CHRNA5: variants seen among roughly 807,000 people sequenced by gnomAD.
The protein encoded by CHRNA5 is cholinergic receptor nicotinic alpha 5 subunit.
A neutral mutation model predicts 41.2 loss-of-function variants in CHRNA5; 28 were observed. The ratio of observed to expected loss-of-function variants is 0.68; its 90% CI spans 0.50 to 0.93. CHRNA5 has a LOEUF of 0.93. CHRNA5 is among the 40% of genes least tolerant of loss of function. The pLI is 0.00. For missense variants in CHRNA5, 481 were observed against 581.9 expected (o/e 0.83, Z 1.78); for synonymous variants, 188 against 205.8 (o/e 0.91, Z 0.74).
At chr15:78,586,803 C>T (rs1042227487) in intron 3 of CHRNA5, 114 bp downstream of exon 3, 13 of 783,088 alleles carry the variant, frequency 1.7e-5, no homozygotes, top group East Asian at 7.5e-5. Flanking sequence ...CAAATGAATA[C>T]GTGACTATAT....
At chr15:78,585,791 C>CTTCTTT (rs1555415936) in intron 2 of CHRNA5, among the ~76,000 whole-genome samples, 3 of 130,612 alleles carry the variant, frequency 2.3e-5, no homozygotes, top group Non-Finnish European at 3.1e-5. Flanking sequence ...TCTTTTCTTT[C>CTTCTTT]TTTTTTTTTT....
chr15:78,595,064 C>T (rs961653251), exon 6 of CHRNA5: 2 of 152,852 alleles, frequency 1.3e-5, no homozygotes, highest in African/African-American at 4.8e-5. Context: ...TAAGTTCAAG[C>T]CAATGCTCTT....
intron 3 of CHRNA5, among the ~76,000 whole-genome samples, chr15:78,587,626 TCTGA>T (rs1219720286): frequency 6.6e-6 from 1 of 151,964 alleles, no homozygotes; most frequent in African/African-American, 2.4e-5. Flanking sequence ...CTGCAAGGAT[TCTGA>T]CTCTCTAAGG....
chr15:78,580,051 G>A (rs1041696060), intron 1 of CHRNA5, among the ~76,000 whole-genome samples: 1 of 151,928 alleles, frequency 6.6e-6, no homozygotes, highest in Non-Finnish European at 1.5e-5. Context: ...AGGCTGAGGC[G>A]GGCAGATTGC....
chr15:78,591,943 TAATA>T (rs1230624828), intron 5 of CHRNA5, among the ~76,000 whole-genome samples: 1 of 152,198 alleles, frequency 6.6e-6, no homozygotes, highest in Non-Finnish European at 1.5e-5. Flanking sequence ...AGATGGAATT[TAATA>T]AATGTCTGCA....
At chr15:78,583,415 C>T (rs150551247) in intron 2 of CHRNA5, among the ~76,000 whole-genome samples, 71 of 152,260 alleles carry the variant, frequency 4.7e-4, no homozygotes, top group African/African-American at 1.6e-3. Context: ...TACTGTCGGC[C>T]GGGCACAGTG....
chr15:78,590,084 C>T (rs72648878), exon 5 of CHRNA5: 28 of 1,614,160 alleles, frequency 1.7e-5, no homozygotes, highest in East Asian at 2.2e-5. Flanking sequence ...GAAACAGAAC[C>T]GACAGCTGTT....
chr15:78,573,963 A>ATTTTTTT (rs979485573), intron 1 of CHRNA5, among the ~76,000 whole-genome samples: 22 of 102,072 alleles, frequency 2.2e-4, no homozygotes, highest in African/African-American at 2.5e-4. Context: ...CGCCTGGCTA[A>ATTTTTTT]TTTTTTTTTT....
chr15:78,586,544 T>C, intron 2 of CHRNA5, 101 bp from the exon 3 acceptor site: 2 of 689,558 alleles, frequency 2.9e-6, no homozygotes, highest in Middle Eastern at 4.2e-4. Context: ...GTGGGTACTA[T>C]GTGAAGAAGA....
exon 5 of CHRNA5, chr15:78,590,209 ATCTTCC>A (rs766987181): frequency 4.6e-5 from 75 of 1,613,960 alleles, no homozygotes; most frequent in Non-Finnish European, 6.0e-5. Flanking sequence ...CTTGTCTTCT[ATCTTCC>A]TTCAAATGAA....
chr15:78,579,191 C>A (rs1322580140), intron 1 of CHRNA5, among the ~76,000 whole-genome samples: 4 of 152,004 alleles, frequency 2.6e-5, no homozygotes, highest in African/African-American at 9.7e-5. Context: ...ATTATTTAGC[C>A]AACCATGTTC....
chr15:78,594,610 G>GGAGGCTGCAGTGAGCC (rs1193859376), exon 6 of CHRNA5: 1 of 152,302 alleles, frequency 6.6e-6, no homozygotes, highest in Admixed American at 6.5e-5. Context: ...CCTGGGAGGT[G>GGAGGCTGCAGTGAGCC]GAGGCTGCAG....
In CHRNA5 at chr15:78,588,692, A is replaced by T. The variant is rs985747017; in HGVS notation, c.413+269A>T. Reference sequence around the variant, plus strand: ...GATACCTCCATTTACTCTTTGTTTTACTAGACTACATATTTGGCAGACTTC... The same window carrying T: ...GATACCTCCATTTACTCTTTGTTTTTCTAGACTACATATTTGGCAGACTTC... On this transcript the variant is annotated intron_variant, in intron 4 of 5. Coordinates refer to ENST00000299565, the Ensembl canonical transcript of CHRNA5. The surrounding 1 kb of genome is among the most constrained non-coding windows in gnomAD (Gnocchi z 4.1). Among the ~76,000 whole-genome samples, 8 of 152,138 alleles carry T rather than the reference A, an allele frequency of 5.3e-5. No homozygotes were observed. The highest frequency in any genetic ancestry group is 1.2e-4 in the Non-Finnish European group (8 of 68,020).
intron 1 of CHRNA5, among the ~76,000 whole-genome samples, chr15:78,566,586 C>G (rs571012954): frequency 3.7e-4 from 56 of 152,326 alleles, no homozygotes; most frequent in African/African-American, 1.3e-3. Flanking sequence ...CGTAGAAAAG[C>G]TAAGCATCCG....
In CHRNA5 at chr15:78,590,187, T is replaced by A. The variant is rs138719535; in HGVS notation, c.796T>A (p.Phe266Ile). 43 of 1,613,960 alleles carry A rather than the reference T, an allele frequency of 2.7e-5. No individual in the cohort carries two copies. In the African/African-American group the frequency reaches 5.6e-4, roughly 21 times the overall value. The stretch of plus-strand genomic sequence containing the variant: ...TATAATACCCTGTATTGGGCTCTCA[T>A]TTTTAACTGTACTTGTCTTCTATCT... The change falls in exon 5 of 6, where the codon TTT becomes ATT. Residue 266 changes from phenylalanine to isoleucine, a missense_variant. Phe to Ile is a conservative substitution (Grantham distance 21). Coordinates refer to ENST00000299565, the Ensembl canonical transcript of CHRNA5.
intron 1 of CHRNA5, 80 bp downstream of exon 1, chr15:78,565,905 G>T: frequency 2.3e-6 from 2 of 872,100 alleles, no homozygotes; most frequent in Non-Finnish European, 3.0e-6. Context: ...GCCAGGCGAC[G>T]GCCGCCGGAA....
chr15:78,590,456 ATTTC>A lies in CHRNA5; in HGVS notation c.1068_1071del (p.Leu357ThrfsTer9). The stretch of plus-strand genomic sequence containing the variant: ...CCATGGCGCCTTTGGTCCGCAAGAT[ATTTC>A]TTCACACGCTTCCCAAACTGCTTTG... On this transcript the variant is annotated frameshift_variant, in exon 5 of 6. Transcript: ENST00000299565. LOFTEE classifies it high-confidence loss of function. 6.2e-7 allele frequency: 1 copy of A among 1,614,186 alleles called. No individual in the cohort carries two copies. The highest frequency in any genetic ancestry group is 8.5e-7 in the Non-Finnish European group (1 of 1,180,044).
In CHRNA5 at chr15:78,588,338, T is replaced by C. The variant is rs1393443224; in HGVS notation, c.328T>C (p.Trp110Arg). 1.3e-6 allele frequency: 2 copies of C among 1,587,468 alleles called. No individual in the cohort carries two copies. The highest frequency in any genetic ancestry group is 1.7e-6 in the Non-Finnish European group (2 of 1,162,882). ...GGAATGGATAGATGTAAAATTAAGA[T>C]GGAACCCTGATGACTATGGTGGAAT... is the stretch of plus-strand genomic sequence containing the variant. Residue 110 changes from tryptophan to arginine, a missense_variant, in exon 4 of 6, where the codon TGG (tryptophan) becomes CGG (arginine). Trp to Arg is a moderately radical substitution (Grantham distance 101). Transcript: ENST00000299565. The surrounding 1 kb of genome is among the most constrained non-coding windows in gnomAD (Gnocchi z 4.1).
At chr15:78,593,728 T>C (rs1253185963) in exon 6 of CHRNA5, 1 of 152,382 alleles carries the variant, frequency 6.6e-6, no homozygotes, top group African/African-American at 2.4e-5. Context: ...AATTACTTAA[T>C]GTGATGCTTG....
Sources: allele counts gnomAD v4.1 joint callset (sites outside exome capture counted in the v4.1 genomes callset), GRCh38; gene constraint gnomAD v4.1.1; non-coding constraint Gnocchi (gnomAD v3.1); transcripts MANE v1.5; gene names NCBI Gene and HGNC (gene_info 2026-07-23, HGNC 2026-07-21).